TCTN3: variants seen among roughly 807,000 people sequenced by gnomAD.
TCTN3 encodes tectonic family member 3.
TCTN3 carries 57 observed loss-of-function variants against 71.3 expected under a neutral mutation model. That is an observed-to-expected ratio of 0.80 (90% confidence interval 0.65 to 1.00). The LOEUF is 1.00. Among genes scored for constraint, TCTN3 ranks in the 50% least tolerant of loss-of-function variants. The probability of loss-of-function intolerance (pLI) is 0.00; values close to 1 mark genes in which losing one functional copy is unlikely to be tolerated. For missense variants in TCTN3, 696 were observed against 719.9 expected (o/e 0.97, Z 0.38); for synonymous variants, 258 against 267.8 (o/e 0.96, Z 0.36).
At chr10:95,693,531 T>G in intron 1 of TCTN3, 55 bp from the exon 2 acceptor site, 1 of 1,550,630 alleles carries the variant, frequency 6.4e-7, no homozygotes, top group Non-Finnish European at 8.7e-7. Context: ...CTCTCCCAGG[T>G]GCTCACCCTC....
chr10:95,687,685 G>A lies in TCTN3; in HGVS notation c.534C>T (p.Val178=). Residue 178 remains valine, a synonymous_variant, in exon 4 of 14, where the codon GTC becomes GTT. Coordinates refer to ENST00000371217, the MANE Select transcript of TCTN3 (RefSeq NM_015631.6). ...NLNYFQKLQK[V]NATNFQALAA... ...CCAGGGCCTGGAAGTTGGTTGCATT[G>A]ACCTTTTGAAGCTTCTGGAAATAGT... 6.2e-7 allele frequency: 1 copy of A among 1,614,068 alleles called. No homozygotes were observed. Among genetic ancestry groups the A allele is most frequent in the Non-Finnish European group, 8.5e-7 (1 of 1,179,942 alleles).
chr10:95,686,184 T>C (rs920104580), intron 7 of TCTN3, among the ~76,000 whole-genome samples: 2 of 152,234 alleles, frequency 1.3e-5, no homozygotes, highest in African/African-American at 4.8e-5. Flanking sequence ...ACTGTGACCG[T>C]GCCACTGCAC....
In TCTN3 at chr10:95,683,509, C is replaced by A. The variant is rs1273552206; in HGVS notation, c.1203+13G>T. 6.2e-7 allele frequency: 1 copy of A among 1,614,168 alleles called. No homozygotes were observed. The highest frequency in any genetic ancestry group is 1.3e-5 in the African/African-American group (1 of 75,042). On this transcript the variant is annotated intron_variant, in intron 10 of 13. Coordinates refer to ENST00000371217, the MANE Select transcript of TCTN3 (RefSeq NM_015631.6). ...TTAGGCTGCAACAGGCCACCCAGCT[C>A]TAAAAAGGATACTGAGTAACTTATA... is the stretch of plus-strand genomic sequence containing the variant.
intron 11 of TCTN3, 62 bp downstream of exon 11, chr10:95,683,039 T>A: frequency 1.4e-6 from 2 of 1,465,462 alleles, no homozygotes; most frequent in Non-Finnish European, 1.9e-6. Flanking sequence ...AAAGTTACCA[T>A]ATCAACATAT....
intron 6 of TCTN3, among the ~76,000 whole-genome samples, chr10:95,686,760 C>G (rs1283028505): frequency 6.6e-6 from 1 of 152,182 alleles, no homozygotes. Flanking sequence ...TGACAGGGCT[C>G]TACTGAATAG....
chr10:95,665,566 C>A (rs1224592270), intron 13 of TCTN3, among the ~76,000 whole-genome samples: 1 of 152,070 alleles, frequency 6.6e-6, no homozygotes, highest in South Asian at 2.1e-4. Flanking sequence ...CAGGTGTGAG[C>A]CACTGCACCC....
chr10:95,690,063 G>A (rs946692895), intron 3 of TCTN3, among the ~76,000 whole-genome samples: 2 of 152,132 alleles, frequency 1.3e-5, no homozygotes. Context: ...CATGATCACT[G>A]CATGCCTCGA....
At chr10:95,682,307 T>C (rs565906768) in intron 12 of TCTN3, among the ~76,000 whole-genome samples, 8 of 151,788 alleles carry the variant, frequency 5.3e-5, no homozygotes, top group African/African-American at 1.7e-4. Context: ...CTGGTCAATA[T>C]AGTGAAACCT....
intron 9 of TCTN3, among the ~76,000 whole-genome samples, chr10:95,684,090 A>G (rs1460410974): frequency 1.3e-5 from 2 of 152,236 alleles, no homozygotes; most frequent in East Asian, 3.8e-4. Context: ...GGAAAGAAGT[A>G]GCAGAAAGCC....
chr10:95,690,894 C>A (rs1178421081), intron 3 of TCTN3, among the ~76,000 whole-genome samples: 1 of 152,006 alleles, frequency 6.6e-6, no homozygotes, highest in Non-Finnish European at 1.5e-5. Flanking sequence ...AAATTTTTGC[C>A]TTTTTCATAC....
intron 6 of TCTN3, 126 bp from the exon 7 acceptor site, chr10:95,686,656 T>G (rs2097948594): frequency 1.2e-6 from 1 of 856,818 alleles, no homozygotes; most frequent in Admixed American, 2.4e-5. Context: ...TTAGAATGAT[T>G]TACTTCCTCT....
intron 3 of TCTN3, among the ~76,000 whole-genome samples, chr10:95,688,443 C>T (rs1022453265): frequency 2.0e-5 from 3 of 148,266 alleles, no homozygotes; most frequent in Non-Finnish European, 3.0e-5. Context: ...ATAGGAAGCT[C>T]GATAATGCTC....
At chr10:95,666,428 T>C (rs1267716899) in intron 13 of TCTN3, among the ~76,000 whole-genome samples, 1 of 152,160 alleles carries the variant, frequency 6.6e-6, no homozygotes, top group Non-Finnish European at 1.5e-5. Context: ...AGAAAATGGA[T>C]AAGAACATAT....
chr10:95,668,285 A>G (rs1373278285), intron 13 of TCTN3, among the ~76,000 whole-genome samples: 1 of 150,886 alleles, frequency 6.6e-6, no homozygotes, highest in Non-Finnish European at 1.5e-5. Flanking sequence ...GATATCAGAG[A>G]AAAGAGTGGG....
intron 6 of TCTN3, among the ~76,000 whole-genome samples, chr10:95,686,803 T>G (rs1305298171): frequency 6.6e-6 from 1 of 152,208 alleles, no homozygotes; most frequent in Non-Finnish European, 1.5e-5. Flanking sequence ...ATGGGTGTTT[T>G]CCCCCTTCCA....
chr10:95,682,776 G>A lies in TCTN3; in HGVS notation c.1327C>T (p.Gln443Ter), dbSNP rs387907273. Reference sequence around the variant, plus strand: ...TGAAGAGTCTGATAAATCTCCTGCTGCAAGTGGCTGCAGTCTGCCTTCTTC... The same window carrying A: ...TGAAGAGTCTGATAAATCTCCTGCTACAAGTGGCTGCAGTCTGCCTTCTTC... ...RLKKADCSHL[Q>*]QEIYQTLHGR... The change falls in exon 12 of 14, where the codon CAG (glutamine) becomes TAG (stop). Residue 443 changes from glutamine to a stop codon, truncating the protein, a stop_gained. Transcript: ENST00000371217. LOFTEE classifies it high-confidence loss of function. The A allele has an allele frequency of 6.2e-6, 10 of 1,613,914 alleles. No individual in the cohort carries two copies. In the African/African-American group the frequency reaches 1.2e-4, roughly 19 times the overall value.
rs931543408 is a variant in TCTN3 at position 95,686,490 on chromosome 10, C to A, written c.888+5G>T. 1 of 1,613,912 alleles carries A rather than the reference C, an allele frequency of 6.2e-7. No individual in the cohort carries two copies. The highest frequency in any genetic ancestry group is 8.5e-7 in the Non-Finnish European group (1 of 1,179,942). On this transcript the variant is annotated splice_donor_5th_base_variant and intron_variant, in intron 7 of 13. Transcript: ENST00000371217. Reference sequence around the variant, plus strand: ...TTCTTTTTTCCTGGTACAACAGCATCATACCTCCATATTCTGTGGATCAGT... The same window carrying A: ...TTCTTTTTTCCTGGTACAACAGCATAATACCTCCATATTCTGTGGATCAGT...
At chr10:95,684,249 T>C (rs535096746) in intron 9 of TCTN3, among the ~76,000 whole-genome samples, 2 of 152,174 alleles carry the variant, frequency 1.3e-5, no homozygotes, top group Non-Finnish European at 2.9e-5. Context: ...AAAGTTTTGA[T>C]TTTAGATTGA....
chr10:95,691,413 C>T (rs2097953402), intron 3 of TCTN3, among the ~76,000 whole-genome samples: 1 of 152,114 alleles, frequency 6.6e-6, no homozygotes, highest in Non-Finnish European at 1.5e-5. Context: ...CTCAGCCTCC[C>T]AAGTGCTAAG....
Sources: allele counts gnomAD v4.1 joint callset (sites outside exome capture counted in the v4.1 genomes callset), GRCh38; gene constraint gnomAD v4.1.1; transcripts MANE v1.5; gene names NCBI Gene and HGNC (gene_info 2026-07-23, HGNC 2026-07-21).